MRC2: variants seen among roughly 807,000 people sequenced by gnomAD.
MRC2 encodes mannose receptor C-type 2, also known as C-type mannose receptor 2.
Under a neutral mutation model 206.2 loss-of-function variants are expected in MRC2, and 84 were observed. The ratio of observed to expected loss-of-function variants is 0.41; its 90% CI spans 0.34 to 0.49. The LOEUF is 0.49. Ranked by LOEUF, MRC2 falls within the 20% of genes least tolerant of loss-of-function variation. MRC2 has a pLI of 0.31. For synonymous variants in MRC2, 798 were observed against 800.0 expected (o/e 1.00, Z 0.04); for missense variants, 1,676 against 2,001.5 (o/e 0.84, Z 3.10).
chr17:62,670,427 GC>G (rs1215905034), intron 6 of MRC2, among the ~76,000 whole-genome samples: 1 of 152,244 alleles, frequency 6.6e-6, no homozygotes, highest in African/African-American at 2.4e-5. Flanking sequence ...GCCCAGCTTT[GC>G]CGGGTCTCCA....
In MRC2 at chr17:62,690,219, C is replaced by T. The variant is rs149209410; in HGVS notation, c.3806C>T (p.Ala1269Val). Residue 1269 changes from alanine to valine, a missense_variant, in exon 26 of 30, where the codon GCG becomes GTG. Ala to Val is a moderately conservative substitution (Grantham distance 64). Transcript: ENST00000303375. ...TGTCCCCAGGGACTGGCAGACTCCG[C>T]GTGGATTCCCTTCCGGGAGCACTGC... ...GSCPQGLADS[A>V]WIPFREHCYS... 90 of 1,613,074 alleles carry T rather than the reference C, an allele frequency of 5.6e-5. No homozygotes were observed. The African/African-American group carries it at 5.7e-4, about 10-fold the overall frequency.
chr17:62,639,076 T>C (rs1044773553), intron 1 of MRC2, among the ~76,000 whole-genome samples: 5 of 152,246 alleles, frequency 3.3e-5, no homozygotes, highest in African/African-American at 9.6e-5. Flanking sequence ...GGCTCATGCC[T>C]GTAATCCCAG....
intron 1 of MRC2, among the ~76,000 whole-genome samples, chr17:62,649,817 C>T (rs559205388): frequency 2.0e-4 from 31 of 152,046 alleles, no homozygotes; most frequent in African/African-American, 7.2e-4. Flanking sequence ...AGACCCCCCC[C>T]GCCCCACCGA....
intron 1 of MRC2, among the ~76,000 whole-genome samples, chr17:62,645,173 T>G (rs2088460045): frequency 6.6e-6 from 1 of 152,104 alleles, no homozygotes; most frequent in Non-Finnish European, 1.5e-5. Flanking sequence ...GTGTAACAAA[T>G]GAGAAATGGG....
chr17:62,636,813 C>T (rs1218042566), intron 1 of MRC2, among the ~76,000 whole-genome samples: 5 of 151,942 alleles, frequency 3.3e-5, no homozygotes, highest in Admixed American at 2.0e-4. Context: ...ACTATGTTGC[C>T]CAGGCCTGGC....
At chr17:62,690,831 T>C in intron 27 of MRC2, 70 bp downstream of exon 27, 1 of 1,513,186 alleles carries the variant, frequency 6.6e-7, no homozygotes, top group Non-Finnish European at 8.9e-7. Flanking sequence ...CACTTTGCCC[T>C]GAGCCTTGTC....
At chr17:62,691,203 C>T in intron 28 of MRC2, 75 bp downstream of exon 28, 1 of 1,480,178 alleles carries the variant, frequency 6.8e-7, no homozygotes, top group Non-Finnish European at 9.0e-7. Flanking sequence ...CTGGGGGCTG[C>T]TTCACAACTG....
chr17:62,677,420 G>A lies in MRC2; in HGVS notation c.1986G>A (p.Thr662=), dbSNP rs1409553551. 6.2e-6 allele frequency: 10 copies of A among 1,611,746 alleles called. No homozygotes were observed. The highest frequency in any genetic ancestry group is 3.3e-5 in the Admixed American group (2 of 59,928). Residue 662 remains threonine, a synonymous_variant, in exon 12 of 30, where the codon ACG becomes ACA. Coordinates refer to ENST00000303375, the MANE Select transcript of MRC2 (RefSeq NM_006039.5). ...CGGAGCTGCCGGGGCCAGATCCCACGCCCAGCCTCACTGGCTCCTGTCCCC... is the reference window on the plus strand; with the variant it reads ...CGGAGCTGCCGGGGCCAGATCCCACACCCAGCCTCACTGGCTCCTGTCCCC... ...VTPELPGPDP[T]PSLTGSCPQG... is the part of the protein sequence containing the mutation.
At chr17:62,679,226 A>T (rs1258634766) in intron 13 of MRC2, among the ~76,000 whole-genome samples, 2 of 152,190 alleles carry the variant, frequency 1.3e-5, no homozygotes, top group Non-Finnish European at 2.9e-5. Context: ...CCTCTCAGCA[A>T]ACATTGAAAT....
rs775548335 is a variant in MRC2, at chr17:62,674,130, T to G, written c.1529T>G (p.Leu510Arg). 12 of 1,555,336 alleles carry G rather than the reference T, an allele frequency of 7.7e-6. No individual in the cohort carries two copies. In the African/African-American group the frequency reaches 1.6e-4, roughly 21 times the overall value. Reference sequence around the variant, plus strand: ...TCCATCTGCAAGAAGGCAGGCCAGCTGAGCCAGGGGGCCGCCGAGGAGGAC... The same window carrying G: ...TCCATCTGCAAGAAGGCAGGCCAGCGGAGCCAGGGGGCCGCCGAGGAGGAC... ...LPSICKKAGQLSQGAAEEDHG... is the reference protein window; with the variant it reads ...LPSICKKAGQRSQGAAEEDHG... Residue 510 changes from leucine (L) to arginine (R), a missense_variant, in exon 9 of 30, where the codon CTG (leucine) becomes CGG (arginine). Transcript: ENST00000303375.
chr17:62,637,869 C>T (rs2088344394), intron 1 of MRC2, among the ~76,000 whole-genome samples: 1 of 152,136 alleles, frequency 6.6e-6, no homozygotes, highest in Admixed American at 6.5e-5. Flanking sequence ...TCCACGGTGG[C>T]ATTTGTTTTT....
rs758835277 is a variant in MRC2 at position 62,666,857 on chromosome 17, C to G, written c.960C>G (p.Leu320=). ...CGGACAACTCGCCCCTCAAGTACCT[C>G]AACTGGGAGAGTGGTGAGGCACAAG... ...QWSDNSPLKY[L]NWESDQPDNP... is the part of the protein sequence containing the mutation. The change falls in exon 5 of 30, where the codon CTC becomes CTG. Residue 320 remains leucine, a synonymous_variant. Transcript: ENST00000303375. The surrounding 1 kb of genome is among the most constrained non-coding windows in gnomAD (Gnocchi z 5.0). 25 of 1,613,564 alleles carry G rather than the reference C, an allele frequency of 1.5e-5. No individual in the cohort carries two copies. The highest frequency in any genetic ancestry group is 2.0e-5 in the Non-Finnish European group (24 of 1,179,866).
rs1265523176 is a variant in MRC2 at position 62,683,549 on chromosome 17, CA to C, written c.2946+1173del. ...TTTTTTTTTACTAGTGGTATGAAAA[CA>C]TTTTTTTGTGCTCACTCAAAAGTGA... On this transcript the variant is annotated intron_variant, in intron 20 of 29. Coordinates refer to ENST00000303375, the MANE Select transcript of MRC2 (RefSeq NM_006039.5). Among the ~76,000 whole-genome samples the C allele has an allele frequency of 8.2e-3, 481 of 58,650 alleles. 2 individuals carry two copies. Among genetic ancestry groups the C allele is most frequent in the Middle Eastern group, 0.061 (4 of 66 alleles). The allele number at this position is 58,650 out of a possible 152,430, so 38.5% of individuals were successfully genotyped here.
intron 9 of MRC2, among the ~76,000 whole-genome samples, chr17:62,674,797 G>A (rs1164885965): frequency 6.6e-6 from 1 of 152,142 alleles, no homozygotes; most frequent in African/African-American, 2.4e-5. Context: ...CCTCCAGGGA[G>A]TGGAGCAGGG....
intron 1 of MRC2, among the ~76,000 whole-genome samples, chr17:62,635,546 T>C (rs1331339658): frequency 1.3e-5 from 2 of 152,142 alleles, no homozygotes; most frequent in Non-Finnish European, 2.9e-5. Flanking sequence ...TAGCCTACTG[T>C]CTGAGGGACT....
In MRC2 at chr17:62,677,429, C is replaced by T; in HGVS notation, c.1995C>T (p.Leu665=). The change falls in exon 12 of 30, where the codon CTC becomes CTT. Residue 665 remains leucine (L), a synonymous_variant. Transcript: ENST00000303375. ...ELPGPDPTPS[L]TGSCPQGWAS... is the part of the protein sequence containing the mutation. ...CGGGGCCAGATCCCACGCCCAGCCT[C>T]ACTGGCTCCTGTCCCCAGGGCTGGG... The T allele has an allele frequency of 2.5e-6, 4 of 1,611,828 alleles. No individual in the cohort carries two copies. Among genetic ancestry groups the T allele is most frequent in the Non-Finnish European group, 3.4e-6 (4 of 1,179,460 alleles).
chr17:62,650,507 C>T (rs924738671), intron 1 of MRC2, among the ~76,000 whole-genome samples: 6 of 152,210 alleles, frequency 3.9e-5, no homozygotes, highest in Non-Finnish European at 5.9e-5. Context: ...ATCTAAAATT[C>T]GGAGGCTAGC....
chr17:62,690,396 C>T (rs2089092511), intron 26 of MRC2, 91 bp downstream of exon 26: 1 of 1,476,408 alleles, frequency 6.8e-7, no homozygotes, highest in Non-Finnish European at 9.1e-7. Flanking sequence ...CCACACTGCT[C>T]TCTACCCATA....
Position 62,681,821 on chromosome 17 carries a change from C to T in MRC2, c.2703-16C>T. On this transcript the variant is annotated splice_polypyrimidine_tract_variant and intron_variant, in intron 18 of 29. Coordinates refer to ENST00000303375, the MANE Select transcript of MRC2 (RefSeq NM_006039.5). ...GGGGCCGGTGCTGGAGTTACCTCTG[C>T]TCCATGCCATTGCAGATGGACAGAT... 1 of 1,604,294 alleles carries T rather than the reference C, an allele frequency of 6.2e-7. No individual in the cohort carries two copies. The highest frequency in any genetic ancestry group is 8.5e-7 in the Non-Finnish European group (1 of 1,172,874).
Sources: gnomAD v4.1 joint callset for allele counts (sites outside exome capture counted in the v4.1 genomes callset) on GRCh38, gnomAD v4.1.1 for gene constraint, Gnocchi (gnomAD v3.1) non-coding constraint, MANE v1.5 for transcripts, NCBI Gene and HGNC (gene_info 2026-07-23, HGNC 2026-07-21) for gene names.